ARHGEF38: variants seen among roughly 807,000 people sequenced by gnomAD.
The protein encoded by ARHGEF38 is Rho guanine nucleotide exchange factor 38.
In ARHGEF38, 79 loss-of-function variants were observed where a neutral mutation model predicts 79.9. That is an observed-to-expected ratio of 0.99 (90% confidence interval 0.82 to 1.19). ARHGEF38 has a LOEUF of 1.19. ARHGEF38 is among the 50% of genes most tolerant of loss of function. The pLI is 0.00. For synonymous variants in ARHGEF38, 366 were observed against 328.3 expected (o/e 1.11, Z -1.24); for missense variants, 962 against 907.2 (o/e 1.06, Z -0.78).
intron 10 of ARHGEF38, among the ~76,000 whole-genome samples, chr4:105,662,067 G>A (rs1730585314): frequency 6.6e-6 from 1 of 152,068 alleles, no homozygotes; most frequent in Middle Eastern, 3.2e-3. Flanking sequence ...GTACCATTTT[G>A]GATTCCCACT....
intron 9 of ARHGEF38, among the ~76,000 whole-genome samples, chr4:105,658,560 T>G (rs1200552890): frequency 6.6e-6 from 1 of 152,148 alleles, no homozygotes; most frequent in South Asian, 2.1e-4. Context: ...GGGGCTGATA[T>G]GGGAAGAATA....
intron 10 of ARHGEF38, among the ~76,000 whole-genome samples, chr4:105,663,624 A>G (rs1443048884): frequency 2.6e-5 from 4 of 152,228 alleles, no homozygotes; most frequent in Non-Finnish European, 5.9e-5. Context: ...GTGTTGTAGC[A>G]TGTGATAGGA....
Position 105,679,839 on chromosome 4 carries a change from G to A in ARHGEF38, c.*1902G>A. 4 of 1,379,224 alleles carry A rather than the reference G, an allele frequency of 2.9e-6. No homozygotes were observed. The highest frequency in any genetic ancestry group is 2.9e-5 in the African/African-American group (2 of 69,996). 85.4% of individuals were successfully genotyped at this position (1,379,224 alleles called of 1,614,324 possible). ...TGGATATAGGACTCAATATCCTGAG[G>A]AGGAGAACTTTGAATCACCAGGTCA... On this transcript the variant is annotated 3_prime_UTR_variant, in exon 14 of 14. Transcript: ENST00000420470.
chr4:105,665,161 C>T (rs544395981), intron 10 of ARHGEF38, among the ~76,000 whole-genome samples: 1 of 151,690 alleles, frequency 6.6e-6, no homozygotes, highest in Non-Finnish European at 1.5e-5. Flanking sequence ...CCTCACTGGG[C>T]TAATTTTATT....
At chr4:105,676,930 C>T (rs1022953567) in intron 13 of ARHGEF38, among the ~76,000 whole-genome samples, 4 of 151,186 alleles carry the variant, frequency 2.6e-5, no homozygotes, top group African/African-American at 9.7e-5. Context: ...TGTTATTAGT[C>T]TCAGAAAGCA....
chr4:105,664,417 T>C lies in ARHGEF38; in HGVS notation c.1546-1760T>C, dbSNP rs574132847. On this transcript the variant is annotated intron_variant, in intron 10 of 13. Transcript: ENST00000420470. ...AAAAATAAGACTCTTGTGTTGTCATTTCATTATTAATACACTTTAGGTATA... is the reference window on the plus strand; with the variant it reads ...AAAAATAAGACTCTTGTGTTGTCATCTCATTATTAATACACTTTAGGTATA... 8.5e-5 allele frequency among the ~76,000 whole-genome samples: 13 copies of C among 152,350 alleles called. No individual in the cohort carries two copies. In the South Asian group the frequency reaches 1.9e-3, roughly 22 times the overall value.
chr4:105,584,340 A>C (rs1230807775), intron 1 of ARHGEF38, among the ~76,000 whole-genome samples: 5 of 152,246 alleles, frequency 3.3e-5, no homozygotes, highest in Non-Finnish European at 5.9e-5. Context: ...TACAATTAAT[A>C]AATAGGGATT....
At position 105,648,672 on chromosome 4, in the gene ARHGEF38, G is replaced by T. The variant is rs1314078924; in HGVS notation, c.998G>T (p.Gly333Val). Residue 333 changes from glycine (G) to valine (V), a missense_variant, in exon 7 of 14, where the codon GGA (glycine) becomes GTA (valine). Transcript: ENST00000420470. ...VTNHLKILTR[G>V]ESQVKDNTFN... ...AATCATCTGAAGATTCTGACCAGAG[G>T]AGAATCACAGGTAATTTTTCTTCTT... The T allele has an allele frequency of 3.3e-6, 5 of 1,514,372 alleles. No homozygotes were observed. The highest frequency in any genetic ancestry group is 4.4e-6 in the Non-Finnish European group (5 of 1,139,760). 93.8% of individuals were successfully genotyped at this position (1,514,372 alleles called of 1,614,324 possible).
At chr4:105,613,569 C>G in intron 3 of ARHGEF38, 62 bp downstream of exon 3, 1 of 1,581,040 alleles carries the variant, frequency 6.3e-7, no homozygotes, top group East Asian at 2.3e-5. Context: ...AATAACCTCC[C>G]TTTGCTTTGG....
intron 2 of ARHGEF38, among the ~76,000 whole-genome samples, chr4:105,590,074 A>AGAAGGAAGGAAGGAAGGAAG (rs70941203): frequency 1.7e-4 from 19 of 109,554 alleles, no homozygotes; most frequent in Middle Eastern, 8.8e-3. Context: ...AAAGAAAGAA[A>AGAAGGAAGGAAGGAAGGAAG]GAAGGAAGGA....
chr4:105,572,112 G>A (rs1006852511), intron 1 of ARHGEF38, among the ~76,000 whole-genome samples: 1 of 152,072 alleles, frequency 6.6e-6, no homozygotes, highest in Non-Finnish European at 1.5e-5. Flanking sequence ...ACCTTTCTAT[G>A]TGATTTTTAA....
At chr4:105,681,369 T>A (rs1220347673), downstream of ARHGEF38, among the ~76,000 whole-genome samples, 1 of 152,092 alleles carries the variant, frequency 6.6e-6, no homozygotes, top group Non-Finnish European at 1.5e-5. Flanking sequence ...AATAATGATG[T>A]TAGAAAAACC....
At chr4:105,589,516 T>C in intron 2 of ARHGEF38, 81 bp downstream of exon 2, 1 of 1,251,792 alleles carries the variant, frequency 8.0e-7, no homozygotes, top group Admixed American at 2.3e-5. Flanking sequence ...AGCACTCAGG[T>C]GTATCAATGG....
At chr4:105,576,066 A>T (rs1160001035) in intron 1 of ARHGEF38, among the ~76,000 whole-genome samples, 1 of 152,114 alleles carries the variant, frequency 6.6e-6, no homozygotes, top group Non-Finnish European at 1.5e-5. Flanking sequence ...AGTATAACTT[A>T]AAGTCCAGTA....
At chr4:105,643,153 A>G (rs1338392311) in intron 5 of ARHGEF38, among the ~76,000 whole-genome samples, 1 of 151,672 alleles carries the variant, frequency 6.6e-6, no homozygotes, top group East Asian at 1.9e-4. Flanking sequence ...TTCAGTATAA[A>G]TACTGAAAAC....
At chr4:105,653,983 G>A (rs1730218405) in intron 7 of ARHGEF38, 82 bp from the exon 8 acceptor site, 1 of 691,570 alleles carries the variant, frequency 1.4e-6, no homozygotes, top group African/African-American at 1.8e-5. Flanking sequence ...CTTTTGTAAT[G>A]TGCTGGACCA....
At chr4:105,677,583 C>T (rs1247381583) in intron 13 of ARHGEF38, among the ~76,000 whole-genome samples, 169 bp from the exon 14 acceptor site, 1 of 152,178 alleles carries the variant, frequency 6.6e-6, no homozygotes, top group African/African-American at 2.4e-5. Flanking sequence ...ACTCCATTCT[C>T]ACCTGGGTTA....
chr4:105,646,878 A>G (rs2110543093), intron 6 of ARHGEF38, among the ~76,000 whole-genome samples: 1 of 152,258 alleles, frequency 6.6e-6, no homozygotes, highest in East Asian at 1.9e-4. Context: ...AATATGTGCA[A>G]TATGATACTA....
At chr4:105,594,734 G>T (rs906215778) in intron 2 of ARHGEF38, among the ~76,000 whole-genome samples, 3 of 152,182 alleles carry the variant, frequency 2.0e-5, no homozygotes, top group African/African-American at 7.2e-5. Context: ...TGACAATCGT[G>T]CTGTAAACTT....
Sources: gnomAD v4.1 joint callset for allele counts (sites outside exome capture counted in the v4.1 genomes callset) on GRCh38, gnomAD v4.1.1 for gene constraint, MANE v1.5 for transcripts, NCBI Gene and HGNC (gene_info 2026-07-23, HGNC 2026-07-21) for gene names.